TBC1D14: variants seen among roughly 807,000 people sequenced by gnomAD.
The protein encoded by TBC1D14 is TBC1 domain family member 14, also known as TBC1 domain family, member 14.
Under a neutral mutation model 79.0 loss-of-function variants are expected in TBC1D14, and 26 were observed. The observed-to-expected ratio is 0.33, with a 90% CI of 0.24 to 0.46. The LOEUF is 0.46. TBC1D14 is among the 20% of genes least tolerant of loss of function. The probability of loss-of-function intolerance (pLI) is 1.00; values close to 1 mark genes in which losing one functional copy is unlikely to be tolerated. For synonymous variants in TBC1D14, 394 were observed against 349.9 expected (o/e 1.13, Z -1.40); for missense variants, 769 against 887.6 (o/e 0.87, Z 1.70).
intron 2 of TBC1D14, among the ~76,000 whole-genome samples, chr4:6,925,352 G>T (rs35680216): frequency 0.089 from 13,483 of 152,212 alleles, 770 homozygotes; most frequent in Middle Eastern, 0.16. Flanking sequence ...TGGCAGGTGG[G>T]AACATTTCTG....
intron 2 of TBC1D14, among the ~76,000 whole-genome samples, chr4:6,941,289 G>A (rs1411218542): frequency 3.3e-5 from 5 of 149,674 alleles, no homozygotes; most frequent in African/African-American, 4.9e-5. Context: ...AGGTTCTCGC[G>A]ATTCTCCTGC....
intron 2 of TBC1D14, among the ~76,000 whole-genome samples, chr4:6,940,072 C>T (rs1712759195): frequency 6.6e-6 from 1 of 152,194 alleles, no homozygotes; most frequent in South Asian, 2.1e-4. Context: ...TATTGGGGCG[C>T]AGCTGGTGCT....
chr4:6,992,626 TGTG>T (rs1718620980), intron 3 of TBC1D14, among the ~76,000 whole-genome samples: 1 of 152,260 alleles, frequency 6.6e-6, no homozygotes, highest in Non-Finnish European at 1.5e-5. Context: ...TCATGGGGTA[TGTG>T]TTACTAATTC....
At chr4:6,990,592 A>C (rs1718389169) in intron 3 of TBC1D14, among the ~76,000 whole-genome samples, 1 of 152,222 alleles carries the variant, frequency 6.6e-6, no homozygotes, top group Non-Finnish European at 1.5e-5. Context: ...AAGAGACTTC[A>C]AAATTTGGTC....
At chr4:6,968,786 G>A (rs1480211214) in intron 3 of TBC1D14, among the ~76,000 whole-genome samples, 1 of 152,186 alleles carries the variant, frequency 6.6e-6, no homozygotes, top group African/African-American at 2.4e-5. Context: ...CAGAGCCTCT[G>A]AGTGTTTTAC....
intron 2 of TBC1D14, among the ~76,000 whole-genome samples, chr4:6,949,451 G>A (rs1713810775): frequency 6.6e-6 from 1 of 152,308 alleles, no homozygotes; most frequent in African/African-American, 2.4e-5. Flanking sequence ...GGGAAGCCGA[G>A]GCAGGTGTAT....
chr4:6,954,488 A>G (rs1208991729), intron 2 of TBC1D14: 2 of 681,652 alleles, frequency 2.9e-6, no homozygotes, highest in East Asian at 5.4e-5. Context: ...TGTGAAATGG[A>G]GGTGATCCTT....
intron 2 of TBC1D14, among the ~76,000 whole-genome samples, chr4:6,947,197 A>G (rs887792245): frequency 2.0e-5 from 3 of 151,440 alleles, no homozygotes; most frequent in African/African-American, 7.3e-5. Context: ...CCCTGTCGCT[A>G]CTAAAAATAA....
At chr4:6,968,876 C>A (rs1461538109) in intron 3 of TBC1D14, among the ~76,000 whole-genome samples, 1 of 152,178 alleles carries the variant, frequency 6.6e-6, no homozygotes, top group Non-Finnish European at 1.5e-5. Context: ...GGGGTCTGGC[C>A]CAGTGCTGCG....
At chr4:6,974,746 CAG>C (rs1244893067) in intron 3 of TBC1D14, among the ~76,000 whole-genome samples, 1 of 152,148 alleles carries the variant, frequency 6.6e-6, no homozygotes, top group East Asian at 1.9e-4. Flanking sequence ...AGAGAAAATT[CAG>C]AGTTTCTTAA....
intron 2 of TBC1D14, among the ~76,000 whole-genome samples, chr4:6,938,089 G>C (rs1370700624): frequency 6.6e-6 from 1 of 152,192 alleles, no homozygotes; most frequent in African/African-American, 2.4e-5. Flanking sequence ...GCGTTGTGGT[G>C]GTGGGCGCTA....
intron 1 of TBC1D14, among the ~76,000 whole-genome samples, chr4:6,921,008 G>A (rs1222393127): frequency 6.6e-6 from 1 of 152,186 alleles, no homozygotes. Flanking sequence ...TGGAACTCCT[G>A]ACCTCAGGTG....
intron 11 of TBC1D14, among the ~76,000 whole-genome samples, 171 bp from the exon 12 acceptor site, chr4:7,014,277 A>G (rs1323703539): frequency 1.3e-5 from 2 of 152,246 alleles, no homozygotes; most frequent in African/African-American, 4.8e-5. Flanking sequence ...GATTAGAAAT[A>G]GTGCTTGTTT....
At chr4:7,012,998 T>C (rs757251010) in intron 11 of TBC1D14, among the ~76,000 whole-genome samples, 16 of 152,244 alleles carry the variant, frequency 1.1e-4, no homozygotes, top group Non-Finnish European at 1.9e-4. Flanking sequence ...AATAAATACA[T>C]GATTCCCATC....
chr4:6,922,189 G>A (rs1723923017), intron 1 of TBC1D14, among the ~76,000 whole-genome samples: 1 of 152,090 alleles, frequency 6.6e-6, no homozygotes, highest in African/African-American at 2.4e-5. Flanking sequence ...GAGTACCTGG[G>A]ACTGCAGGCA....
At chr4:6,975,181 T>C (rs1716605341) in intron 3 of TBC1D14, among the ~76,000 whole-genome samples, 1 of 151,856 alleles carries the variant, frequency 6.6e-6, no homozygotes, top group Non-Finnish European at 1.5e-5. Context: ...CCCAAAGTGC[T>C]AGGATTACAG....
At chr4:6,924,950 G>T (rs1724169880) in intron 2 of TBC1D14, among the ~76,000 whole-genome samples, 1 of 152,152 alleles carries the variant, frequency 6.6e-6, no homozygotes, top group Non-Finnish European at 1.5e-5. Context: ...CTCCCGAACG[G>T]TGGCGTGCTG....
chr4:6,978,265 C>A (rs1344221411), intron 3 of TBC1D14, among the ~76,000 whole-genome samples: 2 of 150,858 alleles, frequency 1.3e-5, no homozygotes, highest in Admixed American at 1.3e-4. Context: ...TGAGAACGGG[C>A]CATGATGACA....
chr4:6,940,586 T>C (rs1712808869), intron 2 of TBC1D14, among the ~76,000 whole-genome samples: 1 of 151,996 alleles, frequency 6.6e-6, no homozygotes, highest in Non-Finnish European at 1.5e-5. Flanking sequence ...TGACCTCTAG[T>C]GCACATTTAA....
Sources: gnomAD v4.1 joint callset for allele counts (sites outside exome capture counted in the v4.1 genomes callset) on GRCh38, gnomAD v4.1.1 for gene constraint, MANE v1.5 for transcripts, NCBI Gene and HGNC (gene_info 2026-07-23, HGNC 2026-07-21) for gene names.